The following PDE4D variants were observed in gnomAD, a reference collection of about 807,000 sequenced individuals.
PDE4D encodes 3',5'-cyclic-AMP phosphodiesterase 4D.
Under a neutral mutation model 87.4 loss-of-function variants are expected in PDE4D, and 24 were observed. That is an observed-to-expected ratio of 0.27 (90% CI 0.20 to 0.39). The LOEUF is 0.39. PDE4D is among the 10% of genes least tolerant of loss of function. PDE4D has a pLI of 1.00. For missense variants in PDE4D, 714 were observed against 1,041.0 expected (o/e 0.69, Z 4.32); for synonymous variants, 384 against 383.2 (o/e 1.00, Z -0.02).
At chr5:59,380,568 C>G (rs1050480328) in intron 1 of PDE4D, among the ~76,000 whole-genome samples, 3 of 152,160 alleles carry the variant, frequency 2.0e-5, no homozygotes, top group Non-Finnish European at 4.4e-5. Context: ...ATTGAGGTCA[C>G]ATCGCTCTAC....
In PDE4D at chr5:59,046,413, AGAG is replaced by A. The variant is rs1238136533; in HGVS notation, c.809-7445_809-7443del. Among the ~76,000 whole-genome samples the A allele has an allele frequency of 2.0e-4, 29 of 147,242 alleles. No homozygotes were observed. The East Asian group carries it at 4.9e-3, about 25-fold the overall frequency. ...AAGGGCATGAAAGAGTGAGAGAGAG[AGAG>A]AGAATGTGTGTGTGTGTGTGTGTGT... On this transcript the variant is annotated intron_variant, in intron 5 of 14. Coordinates refer to ENST00000340635, the MANE Select transcript of PDE4D (RefSeq NM_001104631.2).
chr5:59,238,661 C>A (rs1471430), intron 1 of PDE4D, among the ~76,000 whole-genome samples: 2 of 151,868 alleles, frequency 1.3e-5, no homozygotes, highest in Non-Finnish European at 2.9e-5. Flanking sequence ...GAAATGGTTC[C>A]TCTGAGTCAT....
chr5:60,260,516 A>G (rs562797080), intron 1 of PDE4D, among the ~76,000 whole-genome samples: 2 of 152,256 alleles, frequency 1.3e-5, no homozygotes, highest in South Asian at 4.1e-4. Context: ...AATATAAGTC[A>G]ACAACACAAC....
intron 2 of PDE4D, among the ~76,000 whole-genome samples, chr5:60,159,929 A>G (rs1488488940): frequency 1.4e-4 from 22 of 152,172 alleles, no homozygotes; most frequent in Admixed American, 1.4e-3. Flanking sequence ...AAAAGTTAAA[A>G]GATTTACAGT....
intron 1 of PDE4D, among the ~76,000 whole-genome samples, chr5:59,691,782 C>CA (rs1750991334): frequency 6.6e-6 from 1 of 151,106 alleles, no homozygotes; most frequent in East Asian, 1.9e-4. Context: ...CCATGATGTG[C>CA]AAAAAATAAG....
chr5:59,012,639 C>T (rs1175904562), intron 6 of PDE4D, among the ~76,000 whole-genome samples: 1 of 152,086 alleles, frequency 6.6e-6, no homozygotes, highest in African/African-American at 2.4e-5. Flanking sequence ...ACAGGAGCAC[C>T]CAGATTCATA....
intron 1 of PDE4D, among the ~76,000 whole-genome samples, chr5:60,309,749 A>C (rs1754835485): frequency 6.6e-6 from 1 of 152,238 alleles, no homozygotes; most frequent in South Asian, 2.1e-4. Context: ...GAAATGGCAC[A>C]ACATCAATGC....
At chr5:59,961,696 C>T (rs544680058) in intron 3 of PDE4D, among the ~76,000 whole-genome samples, 1 of 152,118 alleles carries the variant, frequency 6.6e-6, no homozygotes, top group Non-Finnish European at 1.5e-5. Context: ...ATAAATACTA[C>T]AGAAAAGGGG....
chr5:59,472,613 G>A (rs1394208633), intron 1 of PDE4D, among the ~76,000 whole-genome samples: 1 of 152,040 alleles, frequency 6.6e-6, no homozygotes, highest in African/African-American at 2.4e-5. Context: ...GGAATTTTAT[G>A]AATTGATTTG....
chr5:59,662,787 G>A (rs1580245732), intron 1 of PDE4D, among the ~76,000 whole-genome samples: 1 of 152,124 alleles, frequency 6.6e-6, no homozygotes, highest in South Asian at 2.1e-4. Flanking sequence ...GAAGATGAGA[G>A]TGGGTGAGAG....
intron 1 of PDE4D, chr5:59,586,235 A>G (rs988209166): frequency 2.2e-6 from 2 of 917,440 alleles, no homozygotes; most frequent in Non-Finnish European, 3.6e-6. Flanking sequence ...ACTTGATACC[A>G]ATACTCTAGT....
intron 2 of PDE4D, among the ~76,000 whole-genome samples, chr5:59,994,762 T>C (rs1335061707): frequency 6.6e-6 from 1 of 152,166 alleles, no homozygotes; most frequent in Non-Finnish European, 1.5e-5. Flanking sequence ...TAATCTTCTG[T>C]TGGGGTAATC....
At chr5:60,285,050 T>A (rs908883845) in intron 1 of PDE4D, among the ~76,000 whole-genome samples, 11 of 152,152 alleles carry the variant, frequency 7.2e-5, no homozygotes, top group African/African-American at 2.6e-4. Context: ...CTAAGAATCA[T>A]TCACATTTCC....
chr5:59,469,761 G>A (rs1802158832), intron 1 of PDE4D, among the ~76,000 whole-genome samples: 1 of 152,166 alleles, frequency 6.6e-6, no homozygotes, highest in Admixed American at 6.5e-5. Flanking sequence ...GGAGAGTAGA[G>A]GAGATCTCAT....
chr5:59,475,548 T>G (rs576181385), intron 1 of PDE4D, among the ~76,000 whole-genome samples: 2 of 152,224 alleles, frequency 1.3e-5, no homozygotes, highest in African/African-American at 4.8e-5. Context: ...ATAACTTGAA[T>G]TCTAACCAAG....
At chr5:60,210,904 G>A (rs1179251679) in intron 1 of PDE4D, among the ~76,000 whole-genome samples, 1 of 152,122 alleles carries the variant, frequency 6.6e-6, no homozygotes, top group Non-Finnish European at 1.5e-5. Flanking sequence ...CATCCTAATG[G>A]TGGATGCTCT....
chr5:60,417,934 A>G (rs1339005681), intron 1 of PDE4D, among the ~76,000 whole-genome samples: 1 of 151,600 alleles, frequency 6.6e-6, no homozygotes, highest in Non-Finnish European at 1.5e-5. Context: ...TTAAAGATAA[A>G]CACTTCCAAA....
chr5:60,210,667 T>G (rs1403461165), intron 1 of PDE4D, among the ~76,000 whole-genome samples: 1 of 152,060 alleles, frequency 6.6e-6, no homozygotes, highest in Non-Finnish European at 1.5e-5. Context: ...TAAGAAACCA[T>G]GTTAATTAAC....
At chr5:59,230,427 A>C (rs542615413) in intron 1 of PDE4D, among the ~76,000 whole-genome samples, 1 of 152,166 alleles carries the variant, frequency 6.6e-6, no homozygotes, top group Non-Finnish European at 1.5e-5. Context: ...GTGATCCTCA[A>C]TCACATTCCT....
Sources: allele counts gnomAD v4.1 joint callset (sites outside exome capture counted in the v4.1 genomes callset), GRCh38; gene constraint gnomAD v4.1.1; transcripts MANE v1.5; gene names NCBI Gene and HGNC (gene_info 2026-07-23, HGNC 2026-07-21).